RPTOR: variants seen among roughly 807,000 people sequenced by gnomAD.
RPTOR encodes the protein regulatory associated protein of MTOR complex 1.
RPTOR carries 21 observed loss-of-function variants against 169.9 expected under a neutral mutation model. That is an observed-to-expected ratio of 0.12 (90% CI 0.09 to 0.18). The LOEUF (loss-of-function observed/expected upper bound fraction) is 0.18. Ranked by LOEUF, RPTOR falls within the 10% of genes least tolerant of loss-of-function variation. RPTOR has a pLI of 1.00. For missense variants in RPTOR, 1,133 were observed against 1,855.9 expected, an observed-to-expected ratio of 0.61 and a Z score of 7.16; for synonymous variants, 732 against 753.2, an observed-to-expected ratio of 0.97 and a Z score of 0.46.
At chr17:80,916,870 C>T (rs1296008588) in intron 21 of RPTOR, among the ~76,000 whole-genome samples, 1 of 152,078 alleles carries the variant, frequency 6.6e-6, no homozygotes, top group Non-Finnish European at 1.5e-5. Context: ...CTCTTGTAGT[C>T]CCAGCTACTC....
At chr17:80,829,090 G>T (rs554165150) in intron 9 of RPTOR, among the ~76,000 whole-genome samples, 1 of 152,192 alleles carries the variant, frequency 6.6e-6, no homozygotes, top group Admixed American at 6.5e-5. Flanking sequence ...TATTACTTTG[G>T]TTAATTAAAA....
intron 21 of RPTOR, among the ~76,000 whole-genome samples, chr17:80,912,617 T>C (rs968678856): frequency 2.0e-5 from 3 of 152,158 alleles, no homozygotes; most frequent in East Asian, 1.9e-4. Context: ...TGCTCTCTGC[T>C]CTTCAGCAAA....
intron 6 of RPTOR, among the ~76,000 whole-genome samples, chr17:80,782,232 A>G (rs1331924041): frequency 6.6e-6 from 1 of 152,138 alleles, no homozygotes; most frequent in Non-Finnish European, 1.5e-5. Context: ...ACACGTGGAA[A>G]TTGACACGGT....
At chr17:80,926,155 T>C (rs1402265264) in intron 24 of RPTOR, among the ~76,000 whole-genome samples, 3 of 152,226 alleles carry the variant, frequency 2.0e-5, no homozygotes, top group Non-Finnish European at 4.4e-5. Context: ...TATTCTCGAT[T>C]GTATATCAAG....
At chr17:80,944,715 G>T (rs117281544) in intron 25 of RPTOR, among the ~76,000 whole-genome samples, 1 of 152,210 alleles carries the variant, frequency 6.6e-6, no homozygotes, top group East Asian at 1.9e-4. Flanking sequence ...GGCTTGCCGG[G>T]CATGGTGGCT....
At chr17:80,896,125 T>C (rs2068395609) in intron 20 of RPTOR, among the ~76,000 whole-genome samples, 1 of 152,128 alleles carries the variant, frequency 6.6e-6, no homozygotes, top group Admixed American at 6.5e-5. Flanking sequence ...AGATTTAAAA[T>C]TTTCCTTTTT....
chr17:80,671,841 G>A (rs2065824239), intron 3 of RPTOR, among the ~76,000 whole-genome samples: 1 of 152,122 alleles, frequency 6.6e-6, no homozygotes, highest in Non-Finnish European at 1.5e-5. Context: ...TGTGCGTGGT[G>A]TTCTTTGCGC....
At chr17:80,602,859 C>G in intron 1 of RPTOR, 1 of 530,072 alleles carries the variant, frequency 1.9e-6, no homozygotes, top group Non-Finnish European at 3.5e-6. Flanking sequence ...GGTGTCTTCT[C>G]GGGTCACCAC....
Position 80,945,776 on chromosome 17 carries a change from C to T in RPTOR, c.3135C>T (p.Ser1045=). The T allele has an allele frequency of 6.2e-7, 1 of 1,606,632 alleles. No individual in the cohort carries two copies. The highest frequency in any genetic ancestry group is 1.1e-5 in the South Asian group (1 of 90,464). The change falls in exon 26 of 34, where the codon AGC becomes AGT. Residue 1045 remains serine (S), a synonymous_variant. Coordinates refer to ENST00000306801, the MANE Select transcript of RPTOR (RefSeq NM_020761.3). Reference sequence around the variant, plus strand: ...GCATCGCCGTAGCCGACAAGGACAGCATCTGGTATGCACCGCGCTGGTCAG... The same window carrying T: ...GCATCGCCGTAGCCGACAAGGACAGTATCTGGTATGCACCGCGCTGGTCAG... The part of the protein sequence containing the change: ...TPCIAVADKD[S]ICFWDWEKGE...
chr17:80,876,972 T>C (rs1756882805), intron 13 of RPTOR, among the ~76,000 whole-genome samples: 1 of 134,368 alleles, frequency 7.4e-6, no homozygotes, highest in Non-Finnish European at 1.6e-5. Flanking sequence ...GCCTGCCGGG[T>C]CTTCCACCGA....
At chr17:80,712,972 G>T (rs1340366453) in intron 4 of RPTOR, among the ~76,000 whole-genome samples, 3 of 152,140 alleles carry the variant, frequency 2.0e-5, no homozygotes, top group African/African-American at 4.8e-5. Context: ...CTTTGATGAG[G>T]TATCTCTTCA....
In RPTOR at chr17:80,659,840, G is replaced by A. The variant is rs1335411692; in HGVS notation, c.348+16030G>A. ...TAAAAAATTTTTTTGTAGAGATAAG[G>A]TCTTGCTCTGTTGCTCAGGCTGGTC... On this transcript the variant is annotated intron_variant, in intron 3 of 33. Transcript: ENST00000306801. This position sits in a 1 kb window ranked among gnomAD's most constrained non-coding sequence, Gnocchi z 4.3. 6.6e-6 allele frequency among the ~76,000 whole-genome samples: 1 copy of A among 152,090 alleles called. No homozygotes were observed. Among genetic ancestry groups the A allele is most frequent in the African/African-American group, 2.4e-5 (1 of 41,394 alleles).
At chr17:80,933,633 A>C (rs1328672603) in intron 24 of RPTOR, among the ~76,000 whole-genome samples, 1 of 152,232 alleles carries the variant, frequency 6.6e-6, no homozygotes, top group Non-Finnish European at 1.5e-5. Flanking sequence ...ATGGCAATAT[A>C]AGGGACCCAG....
intron 13 of RPTOR, among the ~76,000 whole-genome samples, chr17:80,866,822 C>T (rs1338843546): frequency 6.6e-6 from 1 of 152,160 alleles, no homozygotes; most frequent in African/African-American, 2.4e-5. Context: ...TCCAGCGATG[C>T]TTCCACCTTG....
chr17:80,921,150 G>A (rs537973507), intron 21 of RPTOR, among the ~76,000 whole-genome samples: 259 of 152,380 alleles, frequency 1.7e-3, no homozygotes, highest in African/African-American at 6.1e-3. Flanking sequence ...GCAGGTTCAA[G>A]GTTCCTAAAT....
chr17:80,743,414 C>T, intron 5 of RPTOR: 1 of 985,466 alleles, frequency 1.0e-6, no homozygotes, highest in Non-Finnish European at 1.2e-6. Context: ...AAGAAGTTGC[C>T]AGCATAAAGA....
intron 3 of RPTOR, among the ~76,000 whole-genome samples, chr17:80,681,292 A>C (rs1373909187): frequency 6.6e-6 from 1 of 152,214 alleles, no homozygotes; most frequent in Non-Finnish European, 1.5e-5. Flanking sequence ...AAACTAAATA[A>C]AGAGCAGAGT....
At chr17:80,884,859 C>G in intron 16 of RPTOR, 149 bp from the exon 17 acceptor site, 7 of 1,087,222 alleles carry the variant, frequency 6.4e-6, no homozygotes, top group South Asian at 5.0e-5. Flanking sequence ...CGTTGCCACT[C>G]TGATAGTGCG....
intron 6 of RPTOR, among the ~76,000 whole-genome samples, chr17:80,769,484 A>G (rs59144499): frequency 0.27 from 41,496 of 152,024 alleles, 5,834 homozygotes; most frequent in African/African-American, 0.33. Context: ...CTGAGTTCCC[A>G]TCCTGTCCCA....
Sources: gnomAD v4.1 joint callset for allele counts (sites outside exome capture counted in the v4.1 genomes callset) on GRCh38, gnomAD v4.1.1 for gene constraint, Gnocchi (gnomAD v3.1) non-coding constraint, MANE v1.5 for transcripts, NCBI Gene and HGNC (gene_info 2026-07-23, HGNC 2026-07-21) for gene names.